The following DOCK3 variants were observed in gnomAD, a reference collection of about 807,000 sequenced individuals.
DOCK3 encodes the protein dedicator of cytokinesis 3.
In DOCK3, 60 loss-of-function variants were observed where a neutral mutation model predicts 265.6. The observed-to-expected ratio is 0.23, with a 90% CI of 0.18 to 0.28. The LOEUF (loss-of-function observed/expected upper bound fraction) is 0.28, where lower values mean the gene tolerates loss of function less well. Ranked by LOEUF, DOCK3 falls within the 10% of genes least tolerant of loss-of-function variation. DOCK3 has a pLI of 1.00. For synonymous variants in DOCK3, 881 were observed against 938.0 expected (o/e 0.94, Z 1.11); for missense variants, 1,981 against 2,594.3 (o/e 0.76, Z 5.14).
At chr3:50,804,754 G>A (rs2043309770) in intron 2 of DOCK3, among the ~76,000 whole-genome samples, 1 of 151,908 alleles carries the variant, frequency 6.6e-6, no homozygotes, top group Non-Finnish European at 1.5e-5. Context: ...AGAGACCGTG[G>A]GGAGAGGGAG....
chr3:51,248,717 C>T (rs1302558281), intron 22 of DOCK3, among the ~76,000 whole-genome samples: 111 of 147,994 alleles, frequency 7.5e-4, no homozygotes, highest in African/African-American at 2.3e-3. Flanking sequence ...GGAGCGTCTC[C>T]GCCCGGCCGC....
intron 3 of DOCK3, among the ~76,000 whole-genome samples, chr3:50,844,893 A>G (rs1160659313): frequency 6.6e-6 from 1 of 152,196 alleles, no homozygotes; most frequent in Admixed American, 6.5e-5. Context: ...TCCATTGCCA[A>G]AATGCCATGT....
At chr3:50,982,361 A>C (rs1478388060) in intron 5 of DOCK3, among the ~76,000 whole-genome samples, 1 of 151,706 alleles carries the variant, frequency 6.6e-6, no homozygotes, top group Non-Finnish European at 1.5e-5. Context: ...TTATCACCGC[A>C]ATTTGGTGGT....
At chr3:50,932,039 G>A (rs1290336261) in intron 4 of DOCK3, among the ~76,000 whole-genome samples, 2 of 152,106 alleles carry the variant, frequency 1.3e-5, no homozygotes, top group Non-Finnish European at 2.9e-5. Context: ...CTTCTTGGGG[G>A]CAGATGACAG....
chr3:51,106,970 C>T (rs184172444), intron 9 of DOCK3, among the ~76,000 whole-genome samples: 1 of 152,348 alleles, frequency 6.6e-6, no homozygotes, highest in East Asian at 1.9e-4. Context: ...AGTGTTGTGA[C>T]CAGCAGTCCC....
intron 2 of DOCK3, among the ~76,000 whole-genome samples, chr3:50,829,357 C>G (rs1360176138): frequency 6.6e-6 from 1 of 152,164 alleles, no homozygotes; most frequent in East Asian, 1.9e-4. Context: ...GCTTGTCAGC[C>G]TCTCAGCTGC....
chr3:50,997,931 T>C (rs1313437345), intron 5 of DOCK3, among the ~76,000 whole-genome samples: 2 of 152,224 alleles, frequency 1.3e-5, no homozygotes, highest in African/African-American at 4.8e-5. Context: ...CTTTGCTGCT[T>C]CTCTCAATTG....
chr3:51,251,536 T>G (rs1405697505), intron 22 of DOCK3, among the ~76,000 whole-genome samples: 1 of 152,184 alleles, frequency 6.6e-6, no homozygotes, highest in Non-Finnish European at 1.5e-5. Context: ...GCACCTGTTG[T>G]TTCCTGACTT....
At chr3:51,182,580 G>A (rs140737425) in intron 12 of DOCK3, among the ~76,000 whole-genome samples, 34 of 152,268 alleles carry the variant, frequency 2.2e-4, no homozygotes, top group African/African-American at 8.2e-4. Flanking sequence ...ATAGGTACTT[G>A]GAGGAAGTAG....
intron 11 of DOCK3, among the ~76,000 whole-genome samples, chr3:51,159,785 C>T (rs1458003374): frequency 6.6e-6 from 1 of 152,122 alleles, no homozygotes; most frequent in African/African-American, 2.4e-5. Flanking sequence ...TTCTACCCCA[C>T]CCAAGATGAA....
chr3:50,994,756 C>T (rs1045368397), intron 5 of DOCK3, among the ~76,000 whole-genome samples: 1 of 151,912 alleles, frequency 6.6e-6, no homozygotes, highest in African/African-American at 2.4e-5. Flanking sequence ...ATAGAAGGGC[C>T]CAAGATTACC....
chr3:50,853,276 C>T (rs553850518), intron 3 of DOCK3, among the ~76,000 whole-genome samples: 1 of 151,848 alleles, frequency 6.6e-6, no homozygotes, highest in East Asian at 1.9e-4. Context: ...TAAGAACATA[C>T]AGTATTTTTC....
intron 12 of DOCK3, among the ~76,000 whole-genome samples, chr3:51,208,275 T>C (rs997435734): frequency 6.6e-6 from 1 of 152,240 alleles, no homozygotes; most frequent in South Asian, 2.1e-4. Flanking sequence ...TTGGTCTGGT[T>C]AAAACATAGC....
chr3:51,305,834 C>CTTTTTTTTTTTTTTTTT (rs761039681), intron 27 of DOCK3, among the ~76,000 whole-genome samples: 2 of 50,576 alleles, frequency 4.0e-5, no homozygotes, highest in Non-Finnish European at 6.4e-5. Context: ...ATTTCTTCTT[C>CTTTTTTTTTTTTTTTTT]TTTTTTTTTT....
chr3:50,867,672 TC>T (rs2047213351), intron 3 of DOCK3, among the ~76,000 whole-genome samples: 1 of 151,930 alleles, frequency 6.6e-6, no homozygotes, highest in Non-Finnish European at 1.5e-5. Flanking sequence ...TTTTTCATAA[TC>T]AATTGAAATG....
intron 12 of DOCK3, among the ~76,000 whole-genome samples, chr3:51,200,454 A>T (rs1456113942): frequency 2.5e-3 from 147 of 57,746 alleles, no homozygotes; most frequent in South Asian, 3.0e-3. Flanking sequence ...AAATGAAGCG[A>T]GAAGGGAAGT....
chr3:51,230,807 G>A (rs991233561), intron 19 of DOCK3, among the ~76,000 whole-genome samples: 38 of 151,818 alleles, frequency 2.5e-4, no homozygotes, highest in Non-Finnish European at 3.7e-4. Context: ...GAGCCACCGC[G>A]CCCGACCTAT....
intron 32 of DOCK3, among the ~76,000 whole-genome samples, chr3:51,323,643 A>C (rs2109829434): frequency 6.6e-6 from 1 of 152,364 alleles, no homozygotes; most frequent in East Asian, 1.9e-4. Flanking sequence ...CAATGAGAAC[A>C]AAGACACAAC....
chr3:51,099,103 A>G (rs1576070243), intron 9 of DOCK3, among the ~76,000 whole-genome samples: 1 of 152,234 alleles, frequency 6.6e-6, no homozygotes, highest in Non-Finnish European at 1.5e-5. Context: ...AACTGAAAAT[A>G]TAGACAGAAT....
Sources: gnomAD v4.1 joint callset for allele counts (sites outside exome capture counted in the v4.1 genomes callset) on GRCh38, gnomAD v4.1.1 for gene constraint, MANE v1.5 for transcripts, NCBI Gene and HGNC (gene_info 2026-07-23, HGNC 2026-07-21) for gene names.